The following PPM1H variants were observed in gnomAD, a reference collection of about 807,000 sequenced individuals.
PPM1H encodes the protein protein phosphatase, Mg2+/Mn2+ dependent 1H.
PPM1H carries 27 observed loss-of-function variants against 54.9 expected under a neutral mutation model. The ratio of observed to expected loss-of-function variants is 0.49; its 90% CI spans 0.36 to 0.68. The LOEUF (loss-of-function observed/expected upper bound fraction) is 0.68. Ranked by LOEUF, PPM1H falls within the 30% of genes least tolerant of loss-of-function variation. The probability of loss-of-function intolerance (pLI) is 0.00; values close to 1 mark genes in which losing one functional copy is unlikely to be tolerated. For synonymous variants in PPM1H, 305 were observed against 270.8 expected (o/e 1.13, Z -1.24); for missense variants, 596 against 667.8 (o/e 0.89, Z 1.19).
At chr12:62,673,696 T>C (rs1186015825) in intron 8 of PPM1H, among the ~76,000 whole-genome samples, 1 of 145,958 alleles carries the variant, frequency 6.9e-6, no homozygotes, top group Non-Finnish European at 1.5e-5. Flanking sequence ...ACAAGCTTTG[T>C]GACTTGAGAA....
At chr12:62,655,362 GAACA>G (rs1303318139) in intron 9 of PPM1H, among the ~76,000 whole-genome samples, 4 of 152,194 alleles carry the variant, frequency 2.6e-5, no homozygotes, top group South Asian at 2.1e-4. Context: ...ACTGGGGCAA[GAACA>G]AACAAACAAC....
At chr12:62,709,502 C>G (rs543534487) in intron 6 of PPM1H, among the ~76,000 whole-genome samples, 1 of 152,120 alleles carries the variant, frequency 6.6e-6, no homozygotes, top group Non-Finnish European at 1.5e-5. Flanking sequence ...CCCTTTGCTC[C>G]GAATGTCCTT....
intron 1 of PPM1H, among the ~76,000 whole-genome samples, chr12:62,839,497 G>C (rs1868639872): frequency 6.6e-6 from 1 of 151,986 alleles, no homozygotes. Context: ...ACTATAATCA[G>C]CTGGACCTGA....
chr12:62,903,307 T>C (rs753794408), intron 1 of PPM1H, among the ~76,000 whole-genome samples: 4 of 152,116 alleles, frequency 2.6e-5, no homozygotes, highest in Non-Finnish European at 5.9e-5. Flanking sequence ...AGCGTGTCAG[T>C]GGCAAAAACT....
chr12:62,813,031 T>C (rs955064074), intron 2 of PPM1H, among the ~76,000 whole-genome samples: 6 of 151,944 alleles, frequency 3.9e-5, no homozygotes, highest in Admixed American at 2.0e-4. Flanking sequence ...GGGGAATCCA[T>C]AGACTAAAAC....
chr12:62,675,063 T>C (rs990666118), intron 8 of PPM1H, among the ~76,000 whole-genome samples: 33 of 152,180 alleles, frequency 2.2e-4, no homozygotes, highest in Non-Finnish European at 4.3e-4. Context: ...GACACTGAAG[T>C]GTTAGAAATA....
chr12:62,694,075 G>A (rs1337320047), intron 6 of PPM1H, 76 bp from the exon 7 acceptor site: 24 of 1,336,892 alleles, frequency 1.8e-5, no homozygotes, highest in Non-Finnish European at 2.3e-5. Context: ...CGACTGCTAG[G>A]GATTTCATTT....
intron 1 of PPM1H, among the ~76,000 whole-genome samples, chr12:62,838,337 GT>G (rs146548221): frequency 0.061 from 6,404 of 104,866 alleles, 601 homozygotes; most frequent in African/African-American, 0.26. Flanking sequence ...GTGTGTGTGT[GT>G]GGGGGGGGGG....
intron 8 of PPM1H, among the ~76,000 whole-genome samples, chr12:62,683,032 A>ATTTTTTTTTTTT (rs201636860): frequency 1.6e-5 from 2 of 126,346 alleles, no homozygotes; most frequent in Non-Finnish European, 3.3e-5. Flanking sequence ...AGAGTTTATT[A>ATTTTTTTTTTTT]TTTATTATTA....
At chr12:62,874,727 G>C (rs1314775731) in intron 1 of PPM1H, among the ~76,000 whole-genome samples, 1 of 152,158 alleles carries the variant, frequency 6.6e-6, no homozygotes, top group Non-Finnish European at 1.5e-5. Context: ...ATCCATATAG[G>C]CATGATTTCA....
intron 6 of PPM1H, among the ~76,000 whole-genome samples, chr12:62,718,620 T>C (rs2076248048): frequency 6.6e-6 from 1 of 152,152 alleles, no homozygotes; most frequent in Admixed American, 6.6e-5. Flanking sequence ...GTCTTTTAGA[T>C]CTACTCTTTT....
At chr12:62,658,847 C>G in intron 9 of PPM1H, 2 of 577,394 alleles carry the variant, frequency 3.5e-6, no homozygotes, top group South Asian at 1.5e-5. Flanking sequence ...CCTTGTGGAG[C>G]CCAAGATTGT....
chr12:62,652,608 T>C (rs1022773724), intron 9 of PPM1H, among the ~76,000 whole-genome samples: 5 of 152,216 alleles, frequency 3.3e-5, no homozygotes, highest in Non-Finnish European at 5.9e-5. Context: ...AGCTTTAATA[T>C]TCCCCTCCCC....
chr12:62,677,451 T>C (rs1251354623), intron 8 of PPM1H, among the ~76,000 whole-genome samples: 1 of 152,178 alleles, frequency 6.6e-6, no homozygotes, highest in African/African-American at 2.4e-5. Context: ...GATGCCCTCT[T>C]TGGGGCTCTA....
intron 1 of PPM1H, among the ~76,000 whole-genome samples, chr12:62,842,370 T>C (rs1352426105): frequency 2.0e-5 from 3 of 151,962 alleles, no homozygotes; most frequent in East Asian, 1.9e-4. Context: ...AAATGTGTAA[T>C]TTAAACAAAA....
At chr12:62,672,301 T>C (rs2075960916) in intron 8 of PPM1H, among the ~76,000 whole-genome samples, 2 of 152,314 alleles carry the variant, frequency 1.3e-5, no homozygotes, top group African/African-American at 4.8e-5. Context: ...CATCCCCTCA[T>C]GAGGCTTCTG....
chr12:62,708,555 T>A (rs2076188691), intron 6 of PPM1H, among the ~76,000 whole-genome samples: 1 of 151,942 alleles, frequency 6.6e-6, no homozygotes, highest in Admixed American at 6.5e-5. Flanking sequence ...AAATGTTTCC[T>A]TGGTGGGTTT....
chr12:62,780,212 C>T (rs1405595519), intron 4 of PPM1H, among the ~76,000 whole-genome samples: 1 of 152,182 alleles, frequency 6.6e-6, no homozygotes, highest in Admixed American at 6.5e-5. Context: ...GTGTCTATAT[C>T]ACACTACTGA....
At chr12:62,712,421 G>C (rs1211530907) in intron 6 of PPM1H, among the ~76,000 whole-genome samples, 1 of 152,190 alleles carries the variant, frequency 6.6e-6, no homozygotes, top group Non-Finnish European at 1.5e-5. Flanking sequence ...TTCTTGTGAA[G>C]TAATTATAAA....
Sources: allele counts gnomAD v4.1 joint callset (sites outside exome capture counted in the v4.1 genomes callset), GRCh38; gene constraint gnomAD v4.1.1; transcripts MANE v1.5; gene names NCBI Gene and HGNC (gene_info 2026-07-23, HGNC 2026-07-21).